The following ZNF705A variants were observed in gnomAD, a reference collection of about 807,000 sequenced individuals.
ZNF705A encodes zinc finger protein 705A.
Under a neutral mutation model 16.6 loss-of-function variants are expected in ZNF705A, and 8 were observed. The ratio of observed to expected loss-of-function variants is 0.48; its 90% CI spans 0.28 to 0.87. The LOEUF (loss-of-function observed/expected upper bound fraction) is 0.87, where lower values mean the gene tolerates loss of function less well. Ranked by LOEUF, ZNF705A falls within the 40% of genes least tolerant of loss-of-function variation. The pLI is 0.10. For missense variants in ZNF705A, 233 were observed against 359.9 expected, an observed-to-expected ratio of 0.65 and a Z score of 2.85; for synonymous variants, 73 against 117.3, an observed-to-expected ratio of 0.62 and a Z score of 2.44.
At chr12:8,176,904 C>T (rs1396292228) in intron 4 of ZNF705A, 95 bp from the exon 6 acceptor site, 20 of 1,543,376 alleles carry the variant, frequency 1.3e-5, no homozygotes, top group Middle Eastern at 2.4e-4. Flanking sequence ...CTGGGGTCTA[C>T]CACTGAATGT....
upstream of ZNF705A, among the ~76,000 whole-genome samples, chr12:8,171,996 C>A (rs1280499425): frequency 6.6e-6 from 1 of 152,154 alleles, no homozygotes. Context: ...CTTGGCCTCC[C>A]AGAGTGCTGG....
At chr12:8,164,193 C>T (rs1178369597) in intron 1 of ZNF705A, among the ~76,000 whole-genome samples, 1 of 152,188 alleles carries the variant, frequency 6.6e-6, no homozygotes, top group African/African-American at 2.4e-5. Flanking sequence ...CCAGAACTTA[C>T]TTACGTGGTA....
chr12:8,161,663 G>C (rs1334427385), intron 1 of ZNF705A, among the ~76,000 whole-genome samples: 1 of 152,106 alleles, frequency 6.6e-6, no homozygotes, highest in Non-Finnish European at 1.5e-5. Context: ...AAATGCAACA[G>C]GTGGAAAGGT....
upstream of ZNF705A, among the ~76,000 whole-genome samples, chr12:8,167,596 T>C (rs1329053873): frequency 1.3e-5 from 2 of 152,126 alleles, no homozygotes; most frequent in African/African-American, 4.8e-5. Flanking sequence ...CCTTGGAAGG[T>C]AGATAAGTTC....
intron 1 of ZNF705A, among the ~76,000 whole-genome samples, chr12:8,167,411 T>TC (rs768599140): frequency 3.4e-4 from 52 of 152,326 alleles, no homozygotes; most frequent in Middle Eastern, 6.8e-3. Context: ...TTGATTAGGT[T>TC]CAGTGTCTGT....
chr12:8,177,288 A>G, exon 5 of ZNF705A: 1 of 1,611,812 alleles, frequency 6.2e-7, no homozygotes, highest in South Asian at 1.1e-5. Flanking sequence ...TATGCATGTC[A>G]TCTATGTGGA....
exon 5 of ZNF705A, chr12:8,177,721 T>C: frequency 7.7e-7 from 1 of 1,298,342 alleles, no homozygotes; most frequent in Non-Finnish European, 1.0e-6. Context: ...GAACATATTC[T>C]GACTTTAGAT....
chr12:8,172,690 T>A, intron 1 of ZNF705A, 53 bp downstream of exon 2: 1 of 1,592,470 alleles, frequency 6.3e-7, no homozygotes. Flanking sequence ...TGCTGGCAAG[T>A]GGGCATTTTT....
intron 2 of ZNF705A, among the ~76,000 whole-genome samples, chr12:8,174,829 C>G (rs1447277450): frequency 1.3e-5 from 2 of 151,884 alleles, no homozygotes; most frequent in African/African-American, 2.4e-5. Context: ...AAAACAATAG[C>G]AATATCTTTT....
chr12:8,158,098 G>A (rs1272765784), intron 1 of ZNF705A, among the ~76,000 whole-genome samples: 1 of 152,118 alleles, frequency 6.6e-6, no homozygotes, highest in Non-Finnish European at 1.5e-5. Context: ...CCTGGCAATA[G>A]CAAGCAGTTT....
chr12:8,158,285 C>T (rs1486014092), intron 1 of ZNF705A, among the ~76,000 whole-genome samples: 2 of 152,104 alleles, frequency 1.3e-5, no homozygotes, highest in African/African-American at 4.8e-5. Context: ...TAAACCCCTT[C>T]TTAGTCAATC....
chr12:8,162,626 C>T (rs1948365305), intron 1 of ZNF705A, among the ~76,000 whole-genome samples: 2 of 152,102 alleles, frequency 1.3e-5, no homozygotes, highest in African/African-American at 4.8e-5. Flanking sequence ...CCTTTGTCTT[C>T]CCCCTCCAGC....
chr12:8,171,216 G>A (rs1948442018), upstream of ZNF705A, among the ~76,000 whole-genome samples: 1 of 152,008 alleles, frequency 6.6e-6, no homozygotes, highest in African/African-American at 2.4e-5. Flanking sequence ...ATTTTTCCTG[G>A]ACTTCATGTA....
intron 1 of ZNF705A, among the ~76,000 whole-genome samples, chr12:8,159,183 A>C (rs1948333706): frequency 6.6e-6 from 1 of 152,090 alleles, no homozygotes; most frequent in Non-Finnish European, 1.5e-5. Flanking sequence ...TGGTATAAAT[A>C]TATACACCAC....
chr12:8,168,328 G>T (rs911345180), upstream of ZNF705A, among the ~76,000 whole-genome samples: 18 of 152,176 alleles, frequency 1.2e-4, no homozygotes, highest in African/African-American at 3.9e-4. Context: ...TAGGGGAAGA[G>T]CCCTCTCCTG....
chr12:8,177,761 G>T lies in ZNF705A; in HGVS notation c.*178G>T, dbSNP rs139171395. 769 of 1,027,470 alleles carry T rather than the reference G, an allele frequency of 7.5e-4. 4 individuals are homozygous for T. In the African/African-American group the frequency reaches 0.011, roughly 15 times the overall value. 63.6% of individuals were successfully genotyped at this position (1,027,470 alleles called of 1,614,324 possible). A position where few individuals can be genotyped will look rare whatever the true frequency, so the allele number is the denominator to read the frequency against. On this transcript the variant is annotated 3_prime_UTR_variant, in exon 5 of 5. Transcript: ENST00000359286. ...CTGTGTTAGGAATGACGAAGGTAAG[G>T]AATGTGGAAGAGACTTCAGCTGTAG...
upstream of ZNF705A, among the ~76,000 whole-genome samples, chr12:8,170,919 TG>T: frequency 6.6e-6 from 1 of 152,328 alleles, no homozygotes; most frequent in South Asian, 2.1e-4. Flanking sequence ...CAATGATGTT[TG>T]GGAATTGGGG....
At chr12:8,173,351 C>T (rs1948460112) in intron 1 of ZNF705A, among the ~76,000 whole-genome samples, 1 of 152,028 alleles carries the variant, frequency 6.6e-6, no homozygotes, top group South Asian at 2.1e-4. Flanking sequence ...TACGGTTGCA[C>T]ACTCAGAAGA....
upstream of ZNF705A, chr12:8,172,459 C>G (rs1948453054): frequency 5.5e-6 from 5 of 905,462 alleles, no homozygotes; most frequent in Non-Finnish European, 8.9e-6. Flanking sequence ...TGTGGTGCAG[C>G]TGGTGTCACA....
Sources: allele counts gnomAD v4.1 joint callset (sites outside exome capture counted in the v4.1 genomes callset), GRCh38; gene constraint gnomAD v4.1.1; transcripts MANE v1.5; gene names NCBI Gene and HGNC (gene_info 2026-07-23, HGNC 2026-07-21).